The following GRAMD2A variants were observed in gnomAD, a reference collection of about 807,000 sequenced individuals.
GRAMD2A encodes GRAM domain containing 2A, also known as GRAM domain-containing protein 2A.
In GRAMD2A, 37 loss-of-function variants were observed where a neutral mutation model predicts 51.1. The observed-to-expected ratio is 0.72, with a 90% confidence interval of 0.56 to 0.95. GRAMD2A has a LOEUF of 0.95. Ranked by LOEUF, GRAMD2A falls within the 40% of genes least tolerant of loss-of-function variation. The pLI, the probability that GRAMD2A is intolerant of heterozygous loss-of-function variation, is 0.00. For missense variants in GRAMD2A, 414 were observed against 426.9 expected, an observed-to-expected ratio of 0.97 and a Z score of 0.27; for synonymous variants, 136 against 157.1, an observed-to-expected ratio of 0.87 and a Z score of 1.01.
chr15:72,178,820 C>A (rs576295486), intron 1 of GRAMD2A, among the ~76,000 whole-genome samples: 3 of 152,090 alleles, frequency 2.0e-5, no homozygotes, highest in South Asian at 4.2e-4. Context: ...GTGATCCGCC[C>A]GCCTCGGCCT....
At chr15:72,174,444 G>A (rs867844001) in intron 1 of GRAMD2A, among the ~76,000 whole-genome samples, 1 of 152,152 alleles carries the variant, frequency 6.6e-6, no homozygotes, top group South Asian at 2.1e-4. Context: ...CTCCCGCTCT[G>A]TCCCATCCAG....
chr15:72,168,398 C>A, intron 4 of GRAMD2A, 93 bp downstream of exon 4: 1 of 870,372 alleles, frequency 1.1e-6, no homozygotes, highest in South Asian at 1.3e-5. Flanking sequence ...AGCCAGTTCC[C>A]ATTTCTAAGT....
chr15:72,183,256 G>A (rs1178573542), intron 1 of GRAMD2A, among the ~76,000 whole-genome samples: 1 of 151,822 alleles, frequency 6.6e-6, no homozygotes, highest in African/African-American at 2.4e-5. Flanking sequence ...GGTGGCTCAC[G>A]CCTGTAATCC....
intron 1 of GRAMD2A, among the ~76,000 whole-genome samples, chr15:72,193,697 T>C (rs1453227363): frequency 6.6e-6 from 1 of 151,738 alleles, no homozygotes. Flanking sequence ...TAATTTTTTT[T>C]CTGTATTTTT....
intron 1 of GRAMD2A, among the ~76,000 whole-genome samples, chr15:72,178,070 GC>G (rs1484394219): frequency 6.6e-6 from 1 of 152,146 alleles, no homozygotes; most frequent in Non-Finnish European, 1.5e-5. Context: ...TAAACCCCCA[GC>G]CAACTAAGAA....
In GRAMD2A at chr15:72,166,917, T is replaced by C. The variant is rs1021250623; in HGVS notation, c.471+77A>G. 3 of 1,184,866 alleles carry C rather than the reference T, an allele frequency of 2.5e-6. No homozygotes were observed. The highest frequency in any genetic ancestry group is 2.5e-6 in the Non-Finnish European group (2 of 791,190). 73.4% of individuals were successfully genotyped at this position (1,184,866 alleles called of 1,614,324 possible). A position where few individuals can be genotyped will look rare whatever the true frequency, so the allele number is the denominator to read the frequency against. ...GTGGGGTGAAATAAAGACCTGGGAA[T>C]GTGCCCGAGTCAGACTGTGGGCTGT... is the stretch of plus-strand genomic sequence containing the variant. On this transcript the variant is annotated intron_variant, in intron 6 of 11. Transcript: ENST00000309731. This position sits in a 1 kb window ranked among gnomAD's most constrained non-coding sequence, Gnocchi z 4.1.
chr15:72,167,688 G>A, intron 5 of GRAMD2A, 48 bp downstream of exon 5: 1 of 1,408,904 alleles, frequency 7.1e-7, no homozygotes, highest in Non-Finnish European at 1.0e-6. Context: ...GGGGCAGGAG[G>A]CTGGCTCCCC....
intron 5 of GRAMD2A, among the ~76,000 whole-genome samples, chr15:72,167,472 C>T (rs1445957306): frequency 5.9e-5 from 9 of 152,222 alleles, no homozygotes; most frequent in Non-Finnish European, 1.3e-4. Flanking sequence ...TTCTGAAATA[C>T]CCAGAGGCAG....
chr15:72,189,403 G>C (rs1223903536), intron 1 of GRAMD2A, among the ~76,000 whole-genome samples: 2 of 152,180 alleles, frequency 1.3e-5, no homozygotes, highest in African/African-American at 2.4e-5. Context: ...AAGGTAGATG[G>C]ATTATATCAA....
rs535161158 is a variant in GRAMD2A at position 72,190,757 on chromosome 15, GTA to G, written c.41+6972_41+6973del. On this transcript the variant is annotated intron_variant, in intron 1 of 11. Transcript: ENST00000309731. ...AAAATTGTTGGGTCTGAACAAAGGAGTATGTTTCTGGGAAGAGAGCATTTCAC... is the reference window on the plus strand; with the variant it reads ...AAAATTGTTGGGTCTGAACAAAGGAGTGTTTCTGGGAAGAGAGCATTTCAC... Among the ~76,000 whole-genome samples, 260 of 152,318 alleles carry G rather than the reference GTA, an allele frequency of 1.7e-3. 1 individual carries two copies. The highest frequency in any genetic ancestry group is 5.8e-3 in the African/African-American group (241 of 41,588).
intron 1 of GRAMD2A, among the ~76,000 whole-genome samples, chr15:72,178,938 G>A (rs2081676827): frequency 6.6e-6 from 1 of 152,098 alleles, no homozygotes; most frequent in Non-Finnish European, 1.5e-5. Flanking sequence ...CCATATCTAG[G>A]ACAACTGCTT....
At chr15:72,164,345 T>C (rs1429230467) in intron 8 of GRAMD2A, among the ~76,000 whole-genome samples, 1 of 151,924 alleles carries the variant, frequency 6.6e-6, no homozygotes, top group Non-Finnish European at 1.5e-5. Context: ...CTTTGGCAAA[T>C]CTAAAATAAG....
intron 1 of GRAMD2A, among the ~76,000 whole-genome samples, chr15:72,193,312 G>A (rs1004590678): frequency 6.7e-6 from 1 of 150,178 alleles, no homozygotes; most frequent in Non-Finnish European, 1.5e-5. Context: ...TGCCTCCCGG[G>A]TTCAAGCGAT....
At chr15:72,163,244 C>T in intron 10 of GRAMD2A, 22 bp downstream of exon 10, 1 of 1,579,342 alleles carries the variant, frequency 6.3e-7, no homozygotes, top group South Asian at 1.1e-5. Flanking sequence ...GGTCTGTCCC[C>T]CTCCCCAGTA....
At chr15:72,167,344 G>A (rs964762372) in intron 5 of GRAMD2A, among the ~76,000 whole-genome samples, 7 of 152,218 alleles carry the variant, frequency 4.6e-5, no homozygotes, top group Non-Finnish European at 4.4e-5. Context: ...TATCCAGGAG[G>A]CCAAGGATGG....
At chr15:72,197,368 G>T (rs1412102090) in intron 1 of GRAMD2A, among the ~76,000 whole-genome samples, 1 of 152,238 alleles carries the variant, frequency 6.6e-6, no homozygotes, top group Non-Finnish European at 1.5e-5. Context: ...AACGAATGAT[G>T]AATGAATAAA....
chr15:72,167,854 G>T lies in GRAMD2A; in HGVS notation c.269-15C>A. Reference sequence around the variant, plus strand: ...ACAGGAACACACTAGGATGTCACAGGAGAGAAAATGGCCATAAGCAAGGTC... The same window carrying T: ...ACAGGAACACACTAGGATGTCACAGTAGAGAAAATGGCCATAAGCAAGGTC... On this transcript the variant is annotated splice_polypyrimidine_tract_variant and intron_variant, in intron 4 of 11. Coordinates refer to ENST00000309731, the MANE Select transcript of GRAMD2A (RefSeq NM_001012642.3). 1 of 1,592,842 alleles carries T rather than the reference G, an allele frequency of 6.3e-7. No individual in the cohort carries two copies. The highest frequency in any genetic ancestry group is 8.6e-7 in the Non-Finnish European group (1 of 1,160,696).
chr15:72,165,469 G>C (rs2081532870), intron 7 of GRAMD2A, 59 bp from the exon 8 acceptor site: 1 of 1,530,436 alleles, frequency 6.5e-7, no homozygotes, highest in African/African-American at 1.4e-5. Flanking sequence ...GGTCAGGCAG[G>C]GGGAAGCATC....
At chr15:72,182,820 G>A (rs1325021266) in intron 1 of GRAMD2A, among the ~76,000 whole-genome samples, 1 of 152,102 alleles carries the variant, frequency 6.6e-6, no homozygotes, top group South Asian at 2.1e-4. Context: ...TTGTTCTTTG[G>A]GTATAGAGTT....
Sources: gnomAD v4.1 joint callset for allele counts (sites outside exome capture counted in the v4.1 genomes callset) on GRCh38, gnomAD v4.1.1 for gene constraint, Gnocchi (gnomAD v3.1) non-coding constraint, MANE v1.5 for transcripts, NCBI Gene and HGNC (gene_info 2026-07-23, HGNC 2026-07-21) for gene names.